Variants in ADAM23 observed in about 807,000 individuals in gnomAD.
The protein encoded by ADAM23 is ADAM metallopeptidase domain 23.
A neutral mutation model predicts 120.1 loss-of-function variants in ADAM23; 33 were observed. The ratio of observed to expected loss-of-function variants is 0.27; its 90% CI spans 0.21 to 0.37. The LOEUF is 0.37. Among genes scored for constraint, ADAM23 ranks in the 10% least tolerant of loss-of-function variants. ADAM23 has a pLI of 1.00. For synonymous variants in ADAM23, 367 were observed against 375.2 expected, an observed-to-expected ratio of 0.98 and a Z score of 0.25; for missense variants, 862 against 1,058.2, an observed-to-expected ratio of 0.81 and a Z score of 2.57.
Position 206,596,037 on chromosome 2 carries a change from C to T in ADAM23, c.2248-14C>T. 2 of 1,601,186 alleles carry T rather than the reference C, an allele frequency of 1.2e-6. No homozygotes were observed. Among genetic ancestry groups the T allele is most frequent in the Non-Finnish European group, 8.6e-7 (1 of 1,169,338 alleles). On this transcript the variant is annotated splice_polypyrimidine_tract_variant and intron_variant, in intron 23 of 25. Transcript: ENST00000264377. Reference sequence around the variant, plus strand: ...TACAGTGAAAATGCCATATCTGTTCCTTTTTCTTCACAGGTGTGTAGTAAT... The same window carrying T: ...TACAGTGAAAATGCCATATCTGTTCTTTTTTCTTCACAGGTGTGTAGTAAT...
At chr2:206,562,317 C>G (rs1697784388) in intron 13 of ADAM23, 24 bp downstream of exon 13, 2 of 1,566,992 alleles carry the variant, frequency 1.3e-6, no homozygotes, top group South Asian at 2.2e-5. Flanking sequence ...CCTTCTTACT[C>G]ATTTTCATGT....
chr2:206,454,963 A>T (rs984662874), intron 2 of ADAM23, among the ~76,000 whole-genome samples: 15 of 152,094 alleles, frequency 9.9e-5, no homozygotes, highest in African/African-American at 3.6e-4. Context: ...CAAGCTGTTG[A>T]TGGATCTACC....
intron 3 of ADAM23, among the ~76,000 whole-genome samples, chr2:206,521,140 G>T (rs570334781): frequency 2.8e-4 from 43 of 152,162 alleles, no homozygotes; most frequent in African/African-American, 9.6e-4. Context: ...TTGATGCTTT[G>T]TTTGTTATTT....
At chr2:206,523,449 T>C (rs573690161) in intron 3 of ADAM23, among the ~76,000 whole-genome samples, 1 of 152,318 alleles carries the variant, frequency 6.6e-6, no homozygotes, top group African/African-American at 2.4e-5. Context: ...CTATGCAACC[T>C]ATAATTATTT....
chr2:206,456,765 GC>G (rs2105855160), intron 2 of ADAM23, among the ~76,000 whole-genome samples: 1 of 152,288 alleles, frequency 6.6e-6, no homozygotes, highest in East Asian at 1.9e-4. Context: ...CCTCAGTGGG[GC>G]TAAAGATTAA....
intron 2 of ADAM23, among the ~76,000 whole-genome samples, chr2:206,450,505 CA>C (rs1297513442): frequency 1.3e-5 from 2 of 152,144 alleles, no homozygotes; most frequent in African/African-American, 4.8e-5. Context: ...ATGTTATAAT[CA>C]AACTAAAATT....
At chr2:206,580,143 A>G (rs1037999129) in intron 18 of ADAM23, among the ~76,000 whole-genome samples, 2 of 152,098 alleles carry the variant, frequency 1.3e-5, no homozygotes, top group African/African-American at 4.8e-5. Flanking sequence ...TTCAAGGTAA[A>G]CAATCATATC....
intron 18 of ADAM23, among the ~76,000 whole-genome samples, chr2:206,578,345 C>T (rs1015707815): frequency 1.3e-5 from 2 of 151,910 alleles, no homozygotes; most frequent in Non-Finnish European, 2.9e-5. Context: ...TTTTATCCCT[C>T]ACCCCCCTCC....
chr2:206,594,655 T>G, intron 22 of ADAM23, 82 bp from the exon 23 acceptor site: 1 of 1,522,230 alleles, frequency 6.6e-7, no homozygotes, highest in Non-Finnish European at 9.0e-7. Context: ...GCCTCTTCGG[T>G]TTTGTGAAGA....
intron 24 of ADAM23, among the ~76,000 whole-genome samples, chr2:206,598,204 T>G (rs1020455681): frequency 6.6e-6 from 1 of 152,152 alleles, no homozygotes; most frequent in African/African-American, 2.4e-5. Flanking sequence ...TCCACAGTGT[T>G]TCTGTGATTT....
In ADAM23 at chr2:206,475,689, A is replaced by C. The variant is rs531098432; in HGVS notation, c.433-5543A>C. Among the ~76,000 whole-genome samples the C allele has an allele frequency of 4.6e-5, 7 of 152,098 alleles. No individual in the cohort carries two copies. The South Asian group carries it at 1.5e-3, about 32-fold the overall frequency. ...ACAAAGGCAGGGTCCCTCTAGCATC[A>C]AATTAGCGAATTTTCCTCCTCCCAT... On this transcript the variant is annotated intron_variant, in intron 2 of 25. Transcript: ENST00000264377.
intron 23 of ADAM23, among the ~76,000 whole-genome samples, chr2:206,595,573 A>G (rs1698508732): frequency 6.6e-6 from 1 of 152,140 alleles, no homozygotes; most frequent in Admixed American, 6.5e-5. Context: ...CATACAAGGC[A>G]CTGGTGATTT....
intron 3 of ADAM23, among the ~76,000 whole-genome samples, chr2:206,495,790 A>G (rs1488028525): frequency 6.6e-6 from 1 of 152,198 alleles, no homozygotes; most frequent in Non-Finnish European, 1.5e-5. Flanking sequence ...GGCTCAAAAT[A>G]AAGGGATGGA....
chr2:206,598,291 T>G (rs1698568124), intron 24 of ADAM23, among the ~76,000 whole-genome samples: 1 of 152,160 alleles, frequency 6.6e-6, no homozygotes, highest in African/African-American at 2.4e-5. Context: ...CTAAATTTAC[T>G]TAGACTCTGC....
At position 206,621,060 on chromosome 2, in the gene ADAM23, G is replaced by C. The variant is rs938372231; in HGVS notation, c.*3433G>C. On this transcript the variant is annotated 3_prime_UTR_variant, in exon 26 of 26. Coordinates refer to ENST00000264377, the MANE Select transcript of ADAM23 (RefSeq NM_003812.4). ...CATTCGTATCTTGTTGGCTGCCTAT[G>C]AATGGAGATTCAGTAGTCATTGTAT... 6 of 152,216 alleles carry C rather than the reference G, an allele frequency of 3.9e-5. No individual in the cohort carries two copies. Among genetic ancestry groups the C allele is most frequent in the Non-Finnish European group, 8.8e-5 (6 of 68,046 alleles). 9.4% of individuals were successfully genotyped at this position (152,216 alleles called of 1,614,324 possible). A position where few individuals can be genotyped will look rare whatever the true frequency, so the allele number is the denominator to read the frequency against.
chr2:206,481,209 C>T (rs768434765), intron 2 of ADAM23, 23 bp from the exon 3 acceptor site: 1 of 1,582,842 alleles, frequency 6.3e-7, no homozygotes, highest in Non-Finnish European at 8.6e-7. Flanking sequence ...AGTTAAGGTT[C>T]TTCTGTCTTT....
chr2:206,545,888 C>G (rs1043144766), intron 6 of ADAM23, among the ~76,000 whole-genome samples: 2 of 152,140 alleles, frequency 1.3e-5, no homozygotes, highest in African/African-American at 4.8e-5. Context: ...AAGAACAAAA[C>G]ACAGATTCCC....
At chr2:206,586,225 C>T (rs1051846672) in intron 18 of ADAM23, among the ~76,000 whole-genome samples, 10 of 152,016 alleles carry the variant, frequency 6.6e-5, no homozygotes, top group Non-Finnish European at 1.2e-4. Context: ...AACAGAAGAT[C>T]GATGTGATTT....
In ADAM23 at chr2:206,523,720, A is replaced by G. The variant is rs112158480; in HGVS notation, c.510-7165A>G. The stretch of plus-strand genomic sequence containing the variant: ...CAAAAAGAAAAGAAATATAAGAGCA[A>G]GCATAATTGTAGGATACAAGCTTAT... On this transcript the variant is annotated intron_variant, in intron 3 of 25. Transcript: ENST00000264377. 2.0e-4 allele frequency among the ~76,000 whole-genome samples: 30 copies of G among 152,280 alleles called. 1 individual carries two copies. Among genetic ancestry groups the G allele is most frequent in the African/African-American group, 7.2e-4 (30 of 41,562 alleles).
Sources: allele counts gnomAD v4.1 joint callset (sites outside exome capture counted in the v4.1 genomes callset), GRCh38; gene constraint gnomAD v4.1.1; transcripts MANE v1.5; gene names NCBI Gene and HGNC (gene_info 2026-07-23, HGNC 2026-07-21).